CARS2: variants seen among roughly 807,000 people sequenced by gnomAD.
The protein encoded by CARS2 is probable cysteine--tRNA ligase, mitochondrial.
Under a neutral mutation model 68.8 loss-of-function variants are expected in CARS2, and 52 were observed. That is an observed-to-expected ratio of 0.76 (90% CI 0.61 to 0.95). The LOEUF (loss-of-function observed/expected upper bound fraction) is 0.95, where lower values mean the gene tolerates loss of function less well. Ranked by LOEUF, CARS2 falls within the 40% of genes least tolerant of loss-of-function variation. The probability of loss-of-function intolerance (pLI) is 0.00; values close to 1 mark genes in which losing one functional copy is unlikely to be tolerated. For synonymous variants in CARS2, 314 were observed against 303.6 expected, an observed-to-expected ratio of 1.03 and a Z score of -0.36; for missense variants, 780 against 754.2, an observed-to-expected ratio of 1.03 and a Z score of -0.40.
Position 110,706,116 on chromosome 13 carries a change from T to C in CARS2, c.-23A>G, listed in dbSNP as rs759382519. On this transcript the variant is annotated 5_prime_UTR_variant, in exon 1 of 15. Coordinates refer to ENST00000257347, the MANE Select transcript of CARS2 (RefSeq NM_024537.4). ...CATGTCAGCGGCCAGCGCCTACGACTGGGCGGAGACGGGAGCCACGCCGGG... is the reference window on the plus strand; with the variant it reads ...CATGTCAGCGGCCAGCGCCTACGACCGGGCGGAGACGGGAGCCACGCCGGG... The C allele has an allele frequency of 3.3e-4, 420 of 1,281,188 alleles. No homozygotes were observed. The highest frequency in any genetic ancestry group is 4.9e-4 in the South Asian group (21 of 43,202). The allele number at this position is 1,281,188 out of a possible 1,614,324, so 79.4% of individuals were successfully genotyped here.
At chr13:110,654,921 CAAAAAAA>C in intron 9 of CARS2, among the ~76,000 whole-genome samples, 1 of 83,850 alleles carries the variant, frequency 1.2e-5, no homozygotes, top group East Asian at 3.3e-4. Context: ...AACCCTCTCT[CAAAAAAA>C]AAAAAAAGAA....
chr13:110,685,292 A>T (rs1169010911), intron 5 of CARS2, among the ~76,000 whole-genome samples: 4 of 152,042 alleles, frequency 2.6e-5, no homozygotes, highest in African/African-American at 9.7e-5. Context: ...CCTAGGCGAC[A>T]GAGCAAGACT....
chr13:110,642,691 C>T (rs375216303), intron 13 of CARS2, 170 bp from the exon 14 acceptor site: 24 of 776,800 alleles, frequency 3.1e-5, no homozygotes, highest in Admixed American at 1.9e-4. Flanking sequence ...AGCCCGCGAG[C>T]GCTGGGCTCT....
rs1374153943 is a variant in CARS2 at position 110,642,495 on chromosome 13, A to G, written c.1443T>C (p.Ala481=). The change falls in exon 14 of 15, where the codon GCT becomes GCC. Residue 481 remains alanine, a synonymous_variant. Coordinates refer to ENST00000257347, the MANE Select transcript of CARS2 (RefSeq NM_024537.4). ...GCTCGTCCACCACACCATGCAAGGT[A>G]GCCTCGCTGCCGTCTCCTGAAACGT... ...QQYVSGDGSE[A]TLHGVVDELV... is the part of the protein sequence containing the mutation. The G allele has an allele frequency of 6.2e-7, 1 of 1,608,730 alleles. No homozygotes were observed. Among genetic ancestry groups the G allele is most frequent in the South Asian group, 1.1e-5 (1 of 90,110 alleles).
chr13:110,711,754 G>C (rs962341001), intron 1 of CARS2, among the ~76,000 whole-genome samples: 3 of 152,316 alleles, frequency 2.0e-5, no homozygotes, highest in Admixed American at 6.5e-5. Context: ...TATCATTGCA[G>C]CAACGTTGCA....
chr13:110,695,085 C>T (rs2063582865), intron 3 of CARS2, among the ~76,000 whole-genome samples: 1 of 152,066 alleles, frequency 6.6e-6, no homozygotes, highest in South Asian at 2.1e-4. Flanking sequence ...GAATTAGAGA[C>T]CAGCCTGAGC....
intron 3 of CARS2, among the ~76,000 whole-genome samples, chr13:110,691,595 A>G (rs1000384965): frequency 2.0e-5 from 3 of 151,862 alleles, no homozygotes; most frequent in Admixed American, 2.0e-4. Flanking sequence ...GCCTCTATCT[A>G]CCTCTGGCTT....
rs905021512 is a variant in CARS2, at chr13:110,670,645, C to T, written c.786-3172G>A. 5.9e-5 allele frequency among the ~76,000 whole-genome samples: 9 copies of T among 152,250 alleles called. No individual in the cohort carries two copies. The highest frequency in any genetic ancestry group is 4.1e-4 in the South Asian group (2 of 4,830). ...AAGCTGAAAATTCTAAAAATCAGAGCGCCTCTTCTCCTCCAAAGAAACGCA... is the reference window on the plus strand; with the variant it reads ...AAGCTGAAAATTCTAAAAATCAGAGTGCCTCTTCTCCTCCAAAGAAACGCA... On this transcript the variant is annotated intron_variant, in intron 7 of 14. Transcript: ENST00000257347. This position sits in a 1 kb window ranked among gnomAD's most constrained non-coding sequence, Gnocchi z 4.1.
chr13:110,677,700 G>A (rs1433585644), intron 6 of CARS2, among the ~76,000 whole-genome samples: 1 of 28,550 alleles, frequency 3.5e-5, no homozygotes, highest in African/African-American at 1.0e-4. Context: ...CAGCCACCCC[G>A]CCACGGAAAC....
intron 13 of CARS2, 55 bp from the exon 14 acceptor site, chr13:110,642,576 C>CG: frequency 6.5e-7 from 1 of 1,538,368 alleles, no homozygotes; most frequent in East Asian, 2.3e-5. Context: ...TGTGGATGCC[C>CG]CCTCCCCACC....
At chr13:110,684,063 A>G (rs925000600) in intron 5 of CARS2, among the ~76,000 whole-genome samples, 3 of 152,082 alleles carry the variant, frequency 2.0e-5, no homozygotes, top group Non-Finnish European at 4.4e-5. Context: ...AGCACTACCA[A>G]CCTATGCTCC....
intron 3 of CARS2, among the ~76,000 whole-genome samples, chr13:110,699,695 A>T (rs776223118): frequency 6.6e-6 from 1 of 152,270 alleles, no homozygotes; most frequent in African/African-American, 2.4e-5. Context: ...GAAAGCCGAC[A>T]CAAGACAGCA....
intron 14 of CARS2, 79 bp downstream of exon 14, chr13:110,642,236 C>T: frequency 1.8e-6 from 2 of 1,115,098 alleles, no homozygotes; most frequent in Non-Finnish European, 1.3e-6. Context: ...CGGGGGATGT[C>T]TGGGCCTCTG....
chr13:110,705,992 C>G lies in CARS2; in HGVS notation c.102G>C (p.Ala34=). Reference sequence around the variant, plus strand: ...GCCAGGCCCGCCCGCGCCCCCCGCTCGCCGCCCGGCCCGCAGGCCAGTGCC... The same window carrying G: ...GCCAGGCCCGCCCGCGCCCCCCGCTGGCCGCCCGGCCCGCAGGCCAGTGCC... ...AGWHWPAGRA[A]SGGRGRAWLQ... The change falls in exon 1 of 15, where the codon GCG becomes GCC. Residue 34 remains alanine (A), a synonymous_variant. Transcript: ENST00000257347. The surrounding 1 kb of genome is among the most constrained non-coding windows in gnomAD (Gnocchi z 4.0). 2 of 1,501,602 alleles carry G rather than the reference C, an allele frequency of 1.3e-6. No individual in the cohort carries two copies. The highest frequency in any genetic ancestry group is 3.5e-4 in the Middle Eastern group (2 of 5,694). The allele number at this position is 1,501,602 out of a possible 1,614,324, so 93.0% of individuals were successfully genotyped here.
intron 7 of CARS2, among the ~76,000 whole-genome samples, chr13:110,669,132 G>A (rs2062732359): frequency 6.6e-6 from 1 of 152,106 alleles, no homozygotes; most frequent in Non-Finnish European, 1.5e-5. Context: ...GTTTCCAGAT[G>A]AGCCGCATAA....
Position 110,670,503 on chromosome 13 carries a change from A to G in CARS2, c.786-3030T>C, listed in dbSNP as rs2139778618. On this transcript the variant is annotated intron_variant, in intron 7 of 14. Transcript: ENST00000257347. This position sits in a 1 kb window ranked among gnomAD's most constrained non-coding sequence, Gnocchi z 4.1. ...CCTGCAGCTGAGGGTCCTGACTGTT[A>G]GAAGGAAAACTAACAAACAGAAAGG... 6.6e-6 allele frequency among the ~76,000 whole-genome samples: 1 copy of G among 152,356 alleles called. No homozygotes were observed. Among genetic ancestry groups the G allele is most frequent in the Non-Finnish European group, 1.5e-5 (1 of 68,036 alleles).
At chr13:110,692,057 C>CAT (rs375987244) in intron 3 of CARS2, among the ~76,000 whole-genome samples, 18,832 of 133,280 alleles carry the variant, frequency 0.14, 1,945 homozygotes, top group African/African-American at 0.29. Context: ...TACACATATA[C>CAT]ATATATATAT....
At position 110,705,492 on chromosome 13, in the gene CARS2, G is replaced by GAA. The variant is rs2063913020; in HGVS notation, c.275+28_275+29insTT. 3 of 1,534,292 alleles carry GAA rather than the reference G, an allele frequency of 2.0e-6. No homozygotes were observed. Among genetic ancestry groups the GAA allele is most frequent in the Non-Finnish European group, 2.7e-6 (3 of 1,126,266 alleles). ...TTTCAAAAATAAATGGTCCTTTGAA[G>GAA]TATGAAAATTCAAATCCAGGAAACT... On this transcript the variant is annotated intron_variant, in intron 2 of 14. Transcript: ENST00000257347. The surrounding 1 kb of genome is among the most constrained non-coding windows in gnomAD (Gnocchi z 4.0).
chr13:110,708,149 TTTTG>T (rs3840807), upstream of CARS2, among the ~76,000 whole-genome samples: 5,830 of 151,828 alleles, frequency 0.038, 364 homozygotes, highest in African/African-American at 0.13. Flanking sequence ...AGGACTTGGG[TTTTG>T]TTTGTTTTGT....
Sources: gnomAD v4.1 joint callset for allele counts (sites outside exome capture counted in the v4.1 genomes callset) on GRCh38, gnomAD v4.1.1 for gene constraint, Gnocchi (gnomAD v3.1) non-coding constraint, MANE v1.5 for transcripts, NCBI Gene and HGNC (gene_info 2026-07-23, HGNC 2026-07-21) for gene names.